MACROD2: variants seen among roughly 807,000 people sequenced by gnomAD.
The protein encoded by MACROD2 is ADP-ribose glycohydrolase MACROD2.
Under a neutral mutation model 70.4 loss-of-function variants are expected in MACROD2, and 36 were observed. The ratio of observed to expected loss-of-function variants is 0.51; its 90% CI spans 0.39 to 0.68. MACROD2 has a LOEUF of 0.68. Among genes scored for constraint, MACROD2 ranks in the 30% least tolerant of loss-of-function variants. The pLI, the probability that MACROD2 is intolerant of heterozygous loss-of-function variation, is 0.00. For missense variants in MACROD2, 496 were observed against 538.4 expected, an observed-to-expected ratio of 0.92 and a Z score of 0.78; for synonymous variants, 172 against 178.8, an observed-to-expected ratio of 0.96 and a Z score of 0.30.
At chr20:15,034,352 A>C (rs2075297346) in intron 5 of MACROD2, among the ~76,000 whole-genome samples, 2 of 152,174 alleles carry the variant, frequency 1.3e-5, no homozygotes, top group African/African-American at 2.4e-5. Flanking sequence ...TGAGGCAAAT[A>C]ACTTTCTCTG....
chr20:14,962,091 C>T (rs1299170495), intron 5 of MACROD2, among the ~76,000 whole-genome samples: 5 of 152,168 alleles, frequency 3.3e-5, no homozygotes, highest in South Asian at 2.1e-4. Flanking sequence ...AATCCTCCCA[C>T]GTTGGCCTCC....
At chr20:15,862,947 A>G (rs748939610) in intron 9 of MACROD2, 121 bp downstream of exon 9, 3 of 698,266 alleles carry the variant, frequency 4.3e-6, no homozygotes, top group Admixed American at 3.0e-5. Flanking sequence ...GCCAACTTGT[A>G]TCATAGTTTC....
At chr20:14,336,142 G>A (rs1223738510) in intron 3 of MACROD2, among the ~76,000 whole-genome samples, 1 of 152,094 alleles carries the variant, frequency 6.6e-6, no homozygotes, top group Non-Finnish European at 1.5e-5. Flanking sequence ...TGCAGTCAGA[G>A]ATAAATGAAA....
intron 5 of MACROD2, among the ~76,000 whole-genome samples, chr20:14,965,627 A>ATTT (rs374771441): frequency 5.7e-5 from 8 of 140,894 alleles, no homozygotes; most frequent in African/African-American, 2.1e-4. Context: ...TGCCCAGCTA[A>ATTT]TTTTTTTTTT....
intron 5 of MACROD2, among the ~76,000 whole-genome samples, chr20:15,153,080 G>A (rs1346395225): frequency 6.6e-6 from 1 of 152,082 alleles, no homozygotes; most frequent in Non-Finnish European, 1.5e-5. Flanking sequence ...CTTTCTCATG[G>A]AGCAAAGAGC....
intron 2 of MACROD2, among the ~76,000 whole-genome samples, chr20:14,082,570 C>A (rs1301907439): frequency 6.6e-6 from 1 of 152,050 alleles, no homozygotes; most frequent in African/African-American, 2.4e-5. Flanking sequence ...TTTAAAAATT[C>A]TATCACTGCA....
At chr20:13,998,589 A>G (rs1036910195) in intron 1 of MACROD2, among the ~76,000 whole-genome samples, 7 of 152,110 alleles carry the variant, frequency 4.6e-5, no homozygotes, top group East Asian at 1.9e-4. Flanking sequence ...TTCTAAATTT[A>G]CCATTCCCTT....
At chr20:14,613,498 G>T (rs921382616) in intron 4 of MACROD2, among the ~76,000 whole-genome samples, 4 of 152,036 alleles carry the variant, frequency 2.6e-5, no homozygotes, top group African/African-American at 9.7e-5. Flanking sequence ...TGGGGAGGAA[G>T]AAAGAAGGGT....
At chr20:15,108,168 C>T (rs1044999656) in intron 5 of MACROD2, among the ~76,000 whole-genome samples, 3 of 152,032 alleles carry the variant, frequency 2.0e-5, no homozygotes, top group African/African-American at 4.8e-5. Context: ...TCCCAGTGTG[C>T]TTCCTGTTTC....
At chr20:15,285,255 T>C (rs750610679) in intron 6 of MACROD2, among the ~76,000 whole-genome samples, 1 of 152,200 alleles carries the variant, frequency 6.6e-6, no homozygotes, top group Non-Finnish European at 1.5e-5. Context: ...GTCACATAAA[T>C]AATTTTGTCT....
intron 3 of MACROD2, among the ~76,000 whole-genome samples, chr20:14,284,636 G>A (rs115032060): frequency 0.015 from 2,244 of 152,312 alleles, 48 homozygotes; most frequent in African/African-American, 0.051. Flanking sequence ...CCTTTGTACC[G>A]TGTGTAGCAC....
chr20:14,970,523 T>C (rs1161761942), intron 5 of MACROD2, among the ~76,000 whole-genome samples: 1 of 152,190 alleles, frequency 6.6e-6, no homozygotes, highest in Non-Finnish European at 1.5e-5. Flanking sequence ...AAGGGATGTA[T>C]TTCTTCAGTT....
intron 4 of MACROD2, among the ~76,000 whole-genome samples, chr20:14,520,780 AG>A (rs1174412528): frequency 6.6e-6 from 1 of 152,112 alleles, no homozygotes; most frequent in Non-Finnish European, 1.5e-5. Flanking sequence ...CTGTAATGAT[AG>A]GCTTTTACTT....
At chr20:15,825,611 T>C (rs2063989294) in intron 8 of MACROD2, among the ~76,000 whole-genome samples, 1 of 151,818 alleles carries the variant, frequency 6.6e-6, no homozygotes, top group African/African-American at 2.4e-5. Context: ...CCAGATAAAA[T>C]GGTTTTTTAA....
chr20:15,875,660 C>T (rs528095587), intron 9 of MACROD2, among the ~76,000 whole-genome samples: 4 of 151,930 alleles, frequency 2.6e-5, no homozygotes, highest in South Asian at 2.1e-4. Flanking sequence ...TCCCTTCCAA[C>T]GGAGGGGAGT....
chr20:14,642,136 G>A (rs904170516), intron 4 of MACROD2, among the ~76,000 whole-genome samples: 1 of 152,300 alleles, frequency 6.6e-6, no homozygotes, highest in African/African-American at 2.4e-5. Flanking sequence ...TTTTACTTTT[G>A]TGTTATGGAG....
intron 5 of MACROD2, among the ~76,000 whole-genome samples, chr20:15,025,592 T>C (rs1049707515): frequency 3.9e-5 from 6 of 152,192 alleles, no homozygotes; most frequent in Admixed American, 1.3e-4. Context: ...TCATTTCTGA[T>C]AGTTTTAATA....
intron 6 of MACROD2, among the ~76,000 whole-genome samples, chr20:15,419,054 G>A (rs1171545442): frequency 6.6e-6 from 1 of 152,186 alleles, no homozygotes; most frequent in Non-Finnish European, 1.5e-5. Context: ...CAGACTCTGG[G>A]ATAAGGATTT....
At chr20:15,697,935 T>G (rs1270333161) in intron 8 of MACROD2, among the ~76,000 whole-genome samples, 1 of 152,190 alleles carries the variant, frequency 6.6e-6, no homozygotes, top group Non-Finnish European at 1.5e-5. Flanking sequence ...TTACTTTAAG[T>G]TTATGTGAGT....
Sources: gnomAD v4.1 joint callset for allele counts (sites outside exome capture counted in the v4.1 genomes callset) on GRCh38, gnomAD v4.1.1 for gene constraint, MANE v1.5 for transcripts, NCBI Gene and HGNC (gene_info 2026-07-23, HGNC 2026-07-21) for gene names.